TASP1: variants seen among roughly 807,000 people sequenced by gnomAD.
TASP1 encodes the protein taspase 1, also known as threonine aspartase 1.
Under a neutral mutation model 56.6 loss-of-function variants are expected in TASP1, and 16 were observed. That is an observed-to-expected ratio of 0.28 (90% CI 0.19 to 0.43). The LOEUF is 0.43. Among genes scored for constraint, TASP1 ranks in the 20% least tolerant of loss-of-function variants. The pLI is 1.00. For synonymous variants in TASP1, 179 were observed against 184.2 expected, an observed-to-expected ratio of 0.97 and a Z score of 0.23; for missense variants, 393 against 511.6, an observed-to-expected ratio of 0.77 and a Z score of 2.24.
chr20:13,435,108 A>G lies in TASP1; in HGVS notation c.1032T>C (p.Ile344=). 1 of 1,610,464 alleles carries G rather than the reference A, an allele frequency of 6.2e-7. No homozygotes were observed. The highest frequency in any genetic ancestry group is 1.1e-5 in the South Asian group (1 of 90,230). Residue 344 remains isoleucine (I), a synonymous_variant, in exon 12 of 14, where the codon ATT becomes ATC. Coordinates refer to ENST00000337743, the MANE Select transcript of TASP1 (RefSeq NM_017714.3). ...ASEDGVLGGV[I]VLRSCRCSAE... Reference sequence around the variant, plus strand: ...CAGAACATCTGCATGAACGGAGGACAATCACTCCGCCAAGCACGCCATCTT... The same window carrying G: ...CAGAACATCTGCATGAACGGAGGACGATCACTCCGCCAAGCACGCCATCTT...
At chr20:13,580,714 T>C (rs1325985232) in intron 6 of TASP1, among the ~76,000 whole-genome samples, 183 bp downstream of exon 6, 1 of 152,236 alleles carries the variant, frequency 6.6e-6, no homozygotes, top group Admixed American at 6.5e-5. Flanking sequence ...CCCTTTCTGC[T>C]TTAATCCATA....
the TASP1 span, among the ~76,000 whole-genome samples, chr20:13,290,685 A>T: frequency 1.3e-5 from 2 of 152,178 alleles, no homozygotes; most frequent in Non-Finnish European, 2.9e-5. Flanking sequence ...AAAGAAAATG[A>T]AGATAAAGGT....
chr20:13,260,290 CA>C, the TASP1 span, among the ~76,000 whole-genome samples: 1 of 152,178 alleles, frequency 6.6e-6, no homozygotes, highest in Non-Finnish European at 1.5e-5. Context: ...TAGTAGCACA[CA>C]GAGCTGTACA....
the TASP1 span, among the ~76,000 whole-genome samples, chr20:13,348,194 A>G: frequency 6.6e-6 from 1 of 152,176 alleles, no homozygotes; most frequent in Non-Finnish European, 1.5e-5. Context: ...AGTTTTAAAG[A>G]TCTATGCCAA....
chr20:13,453,089 A>G (rs2043684202), intron 11 of TASP1, among the ~76,000 whole-genome samples: 2 of 152,118 alleles, frequency 1.3e-5, no homozygotes, highest in Non-Finnish European at 2.9e-5. Flanking sequence ...AAGGGACAGG[A>G]ACAAAGTCTG....
chr20:13,276,186 A>G, the TASP1 span, among the ~76,000 whole-genome samples: 1 of 152,150 alleles, frequency 6.6e-6, no homozygotes, highest in Non-Finnish European at 1.5e-5. Flanking sequence ...TCCTCTCTGG[A>G]AAATACCTGC....
chr20:13,319,267 A>G, the TASP1 span, among the ~76,000 whole-genome samples: 1 of 152,130 alleles, frequency 6.6e-6, no homozygotes, highest in African/African-American at 2.4e-5. Flanking sequence ...AGGCAAGGCC[A>G]ACTAGACTAT....
intron 12 of TASP1, among the ~76,000 whole-genome samples, chr20:13,425,978 T>C (rs1246653206): frequency 1.3e-5 from 2 of 152,242 alleles, no homozygotes; most frequent in Non-Finnish European, 2.9e-5. Context: ...GATTGAGTTC[T>C]ATAGAATCCT....
At chr20:13,194,958 C>T in the TASP1 span, among the ~76,000 whole-genome samples, 4 of 152,138 alleles carry the variant, frequency 2.6e-5, no homozygotes, top group Non-Finnish European at 2.9e-5. Flanking sequence ...AGAGGGGGTG[C>T]GCCTGGGGTG....
intron 6 of TASP1, among the ~76,000 whole-genome samples, chr20:13,574,111 T>C (rs1049354946): frequency 1.1e-4 from 16 of 148,552 alleles, no homozygotes; most frequent in African/African-American, 4.0e-4. Flanking sequence ...ACAAATGAAA[T>C]GAAAGTTTAA....
intron 11 of TASP1, among the ~76,000 whole-genome samples, chr20:13,456,225 C>T (rs2043828781): frequency 1.3e-5 from 2 of 152,086 alleles, no homozygotes; most frequent in Admixed American, 6.6e-5. Context: ...TGCTTGCTGA[C>T]TTTCTGGAGG....
chr20:13,270,786 C>T, the TASP1 span: 3 of 1,582,030 alleles, frequency 1.9e-6, no homozygotes, highest in Admixed American at 1.8e-5. Flanking sequence ...CAAAACAGTC[C>T]ATCTTTTGTT....
the TASP1 span, among the ~76,000 whole-genome samples, chr20:13,177,123 C>T: frequency 1.3e-5 from 2 of 152,076 alleles, no homozygotes; most frequent in African/African-American, 4.8e-5. Flanking sequence ...CACCTGTAAT[C>T]CCAGCTACTG....
intron 4 of TASP1, among the ~76,000 whole-genome samples, chr20:13,616,642 TA>T (rs542480237): frequency 9.4e-4 from 136 of 144,452 alleles, no homozygotes; most frequent in Middle Eastern, 3.5e-3. Context: ...TTTTATTCTT[TA>T]AAAAAAAAAA....
At chr20:13,465,336 A>T (rs1019993631) in intron 11 of TASP1, among the ~76,000 whole-genome samples, 1 of 152,074 alleles carries the variant, frequency 6.6e-6, no homozygotes. Context: ...AGAAATAGTG[A>T]CAAACCTAGC....
chr20:13,412,061 T>G lies in TASP1; in HGVS notation c.1170+5387A>C, dbSNP rs79879878. Among the ~76,000 whole-genome samples the G allele has an allele frequency of 4.6e-3, 702 of 152,340 alleles. 4 individuals are homozygous for G. The highest frequency in any genetic ancestry group is 0.015 in the African/African-American group (628 of 41,580). ...TCTAGTCTTTCTCTGGCCACTGCCATGTATTTGGTGAAAATCTTATGCACC... is the reference window on the plus strand; with the variant it reads ...TCTAGTCTTTCTCTGGCCACTGCCAGGTATTTGGTGAAAATCTTATGCACC... On this transcript the variant is annotated intron_variant, in intron 13 of 13. Coordinates refer to ENST00000337743, the MANE Select transcript of TASP1 (RefSeq NM_017714.3).
intron 4 of TASP1, among the ~76,000 whole-genome samples, chr20:13,599,503 A>G (rs2047873006): frequency 1.3e-5 from 2 of 152,168 alleles, no homozygotes; most frequent in Admixed American, 1.3e-4. Context: ...CAGGGCGGAG[A>G]ACATCACACA....
intron 6 of TASP1, among the ~76,000 whole-genome samples, chr20:13,580,393 G>A (rs1042209508): frequency 9.2e-5 from 14 of 152,192 alleles, no homozygotes; most frequent in African/African-American, 3.4e-4. Context: ...GCTGCAGTGA[G>A]CCATGACTGT....
chr20:13,361,666 A>C, the TASP1 span, among the ~76,000 whole-genome samples: 3 of 151,810 alleles, frequency 2.0e-5, no homozygotes, highest in East Asian at 5.8e-4. Context: ...CCCCAAAAAA[A>C]CTTGTCATCC....
Sources: gnomAD v4.1 joint callset for allele counts (sites outside exome capture counted in the v4.1 genomes callset) on GRCh38, gnomAD v4.1.1 for gene constraint, MANE v1.5 for transcripts, NCBI Gene and HGNC (gene_info 2026-07-23, HGNC 2026-07-21) for gene names.